The following GRIK1 variants were observed in gnomAD, a reference collection of about 807,000 sequenced individuals.
GRIK1 encodes the protein glutamate ionotropic receptor kainate type subunit 1, also known as glutamate receptor ionotropic, kainate 1.
Under a neutral mutation model 105.7 loss-of-function variants are expected in GRIK1, and 69 were observed. That is an observed-to-expected ratio of 0.65 (90% CI 0.54 to 0.80). GRIK1 has a LOEUF of 0.80. GRIK1 is among the 30% of genes least tolerant of loss of function. The pLI is 0.00. For missense variants in GRIK1, 1,109 were observed against 1,167.3 expected (o/e 0.95, Z 0.73); for synonymous variants, 438 against 431.3 (o/e 1.02, Z -0.19).
intron 1 of GRIK1, among the ~76,000 whole-genome samples, chr21:29,776,507 T>C (rs553496421): frequency 1.3e-5 from 2 of 152,238 alleles, no homozygotes; most frequent in South Asian, 2.1e-4. Context: ...GAGTTGAAAT[T>C]TAAGTCTACA....
chr21:29,935,984 T>C (rs1254623541), intron 1 of GRIK1, among the ~76,000 whole-genome samples: 1 of 152,222 alleles, frequency 6.6e-6, no homozygotes, highest in African/African-American at 2.4e-5. Context: ...TATCCAGATA[T>C]TACTCAAAGC....
chr21:29,878,705 T>C (rs1181928101), intron 1 of GRIK1, among the ~76,000 whole-genome samples: 2 of 152,062 alleles, frequency 1.3e-5, no homozygotes, highest in Non-Finnish European at 2.9e-5. Context: ...CCTAGAGAGC[T>C]CCCTCAATCC....
At chr21:29,551,192 C>T (rs572162525) in intron 16 of GRIK1, among the ~76,000 whole-genome samples, 15 of 152,294 alleles carry the variant, frequency 9.8e-5, no homozygotes, top group East Asian at 9.6e-4. Context: ...AAACTTGTGA[C>T]GCACACTGAG....
chr21:29,601,291 T>C (rs2061514088), intron 7 of GRIK1: 1 of 481,664 alleles, frequency 2.1e-6, no homozygotes. Context: ...TGCTCTTCGT[T>C]CTCAGGCCTT....
intron 3 of GRIK1, among the ~76,000 whole-genome samples, chr21:29,680,621 A>C (rs1034416603): frequency 2.7e-4 from 41 of 152,260 alleles, no homozygotes; most frequent in African/African-American, 9.6e-4. Flanking sequence ...AAATTCCAGA[A>C]ATAAACAATT....
intron 1 of GRIK1, among the ~76,000 whole-genome samples, chr21:29,761,106 C>T (rs1481044408): frequency 1.3e-5 from 2 of 152,168 alleles, no homozygotes; most frequent in Non-Finnish European, 2.9e-5. Flanking sequence ...CACCATGAAG[C>T]CTGTGACTAG....
At chr21:29,701,741 C>G (rs1043629986) in intron 1 of GRIK1, among the ~76,000 whole-genome samples, 2 of 152,058 alleles carry the variant, frequency 1.3e-5, no homozygotes. Flanking sequence ...ACACTCTTGC[C>G]GTAAGAGTCT....
intron 1 of GRIK1, among the ~76,000 whole-genome samples, chr21:29,898,567 G>A (rs537998856): frequency 6.6e-6 from 1 of 152,310 alleles, no homozygotes; most frequent in East Asian, 1.9e-4. Flanking sequence ...TCTCCCCGTT[G>A]CTTTAAAAAT....
At chr21:29,932,511 T>C (rs2071602419) in intron 1 of GRIK1, among the ~76,000 whole-genome samples, 1 of 152,136 alleles carries the variant, frequency 6.6e-6, no homozygotes, top group Non-Finnish European at 1.5e-5. Flanking sequence ...ATATTTTTAC[T>C]TCTTTCCTTT....
At chr21:29,724,538 A>G (rs988631954) in intron 1 of GRIK1, among the ~76,000 whole-genome samples, 1 of 152,218 alleles carries the variant, frequency 6.6e-6, no homozygotes, top group Non-Finnish European at 1.5e-5. Context: ...GGGAGTCTTA[A>G]AGAGGGAAGC....
chr21:29,731,354 C>T (rs1469281491), intron 1 of GRIK1, among the ~76,000 whole-genome samples: 1 of 152,174 alleles, frequency 6.6e-6, no homozygotes, highest in Non-Finnish European at 1.5e-5. Context: ...AACCTTAGCT[C>T]TTGAGCAGTT....
At position 29,689,669 on chromosome 21, in the gene GRIK1, T is replaced by A. The variant is rs77824715; in HGVS notation, c.544+59A>T. ...GATGAGTTTAATGACTATTTGATAC[T>A]TTCGTTCTGTTTGTTCAGAGCAGAC... On this transcript the variant is annotated intron_variant, in intron 3 of 17. Transcript: ENST00000327783. 618 of 1,518,702 alleles carry A rather than the reference T, an allele frequency of 4.1e-4. 1 individual carries two copies. The African/African-American group carries it at 7.8e-3, about 19-fold the overall frequency. 94.1% of individuals were successfully genotyped at this position (1,518,702 alleles called of 1,614,324 possible).
At chr21:29,745,176 G>A (rs1312767483) in intron 1 of GRIK1, among the ~76,000 whole-genome samples, 1 of 152,172 alleles carries the variant, frequency 6.6e-6, no homozygotes, top group Non-Finnish European at 1.5e-5. Flanking sequence ...ATGTTGGAAA[G>A]GCTCATATGG....
intron 16 of GRIK1, among the ~76,000 whole-genome samples, chr21:29,545,922 G>A (rs1023408429): frequency 6.6e-6 from 1 of 152,172 alleles, no homozygotes; most frequent in Non-Finnish European, 1.5e-5. Context: ...GGTTTAAAAT[G>A]CTTTCTTTTG....
intron 1 of GRIK1, among the ~76,000 whole-genome samples, chr21:29,929,143 G>A (rs1048617609): frequency 4.6e-5 from 7 of 152,118 alleles, no homozygotes; most frequent in Admixed American, 3.3e-4. Context: ...ATCAGCAGAC[G>A]CACCCATTAC....
At chr21:29,652,621 A>G (rs1451646638) in intron 5 of GRIK1, among the ~76,000 whole-genome samples, 1 of 152,264 alleles carries the variant, frequency 6.6e-6, no homozygotes, top group African/African-American at 2.4e-5. Context: ...CATTTAAGAC[A>G]GGGTTATGTA....
chr21:29,874,659 T>C (rs1466932096), intron 1 of GRIK1, among the ~76,000 whole-genome samples: 1 of 152,100 alleles, frequency 6.6e-6, no homozygotes, highest in African/African-American at 2.4e-5. Flanking sequence ...TATAACATGA[T>C]TTGGGTGGGA....
chr21:29,549,901 G>T (rs1041579937), intron 16 of GRIK1, among the ~76,000 whole-genome samples: 4 of 151,928 alleles, frequency 2.6e-5, no homozygotes, highest in African/African-American at 7.3e-5. Context: ...GAGGTCAGGA[G>T]TTTGAGACCA....
chr21:29,541,598 T>TTTTTTTTTTTTTTTTTG (rs1188160280), intron 16 of GRIK1, among the ~76,000 whole-genome samples: 1 of 83,794 alleles, frequency 1.2e-5, no homozygotes, highest in African/African-American at 3.4e-5. Flanking sequence ...TTTTTTTTTG[T>TTTTTTTTTTTTTTTTTG]GGGAGAGATA....
Sources: gnomAD v4.1 joint callset for allele counts (sites outside exome capture counted in the v4.1 genomes callset) on GRCh38, gnomAD v4.1.1 for gene constraint, MANE v1.5 for transcripts, NCBI Gene and HGNC (gene_info 2026-07-23, HGNC 2026-07-21) for gene names.